CLCN3: variants seen among roughly 807,000 people sequenced by gnomAD.
The protein encoded by CLCN3 is H(+)/Cl(-) exchange transporter 3.
A neutral mutation model predicts 83.4 loss-of-function variants in CLCN3; 16 were observed. The observed-to-expected ratio is 0.19, with a 90% CI of 0.13 to 0.29. The LOEUF (loss-of-function observed/expected upper bound fraction) is 0.29, where lower values mean the gene tolerates loss of function less well. Among genes scored for constraint, CLCN3 ranks in the 10% least tolerant of loss-of-function variants. CLCN3 has a pLI of 1.00. For synonymous variants in CLCN3, 322 were observed against 346.2 expected (o/e 0.93, Z 0.78); for missense variants, 544 against 1,006.0 (o/e 0.54, Z 6.21).
intron 3 of CLCN3, among the ~76,000 whole-genome samples, chr4:169,687,430 AT>A (rs1158590584): frequency 1.3e-5 from 2 of 152,196 alleles, no homozygotes; most frequent in Non-Finnish European, 2.9e-5. Flanking sequence ...AAGAAAAAAA[AT>A]TTTTTAATAA....
rs1332340661 is a variant in CLCN3 at position 169,720,081 on chromosome 4, T to C, written c.*84T>C. ...AACTCTTTAACCTGAGGGAGTCATC[T>C]ACTTTTTTTTCCTCCTTTACAAAAA... is the stretch of plus-strand genomic sequence containing the variant. On this transcript the variant is annotated 3_prime_UTR_variant, in exon 13 of 13. Coordinates refer to ENST00000513761, the MANE Select transcript of CLCN3 (RefSeq NM_001829.4). The C allele has an allele frequency of 4.5e-6, 7 of 1,556,528 alleles. No homozygotes were observed. The highest frequency in any genetic ancestry group is 6.1e-6 in the Non-Finnish European group (7 of 1,154,346).
chr4:169,624,372 G>A (rs1179008459), intron 1 of CLCN3, among the ~76,000 whole-genome samples: 1 of 152,106 alleles, frequency 6.6e-6, no homozygotes, highest in Non-Finnish European at 1.5e-5. Flanking sequence ...GACCTGAGGT[G>A]ATCGACCCGC....
intron 12 of CLCN3, 80 bp from the exon 13 acceptor site, chr4:169,719,827 A>G (rs1733564756): frequency 2.6e-6 from 3 of 1,175,788 alleles, no homozygotes; most frequent in Non-Finnish European, 3.6e-6. Flanking sequence ...CCTGTCAACA[A>G]AAAGGATTTA....
chr4:169,643,414 G>C (rs1404257829), intron 2 of CLCN3, among the ~76,000 whole-genome samples: 2 of 151,956 alleles, frequency 1.3e-5, no homozygotes, highest in African/African-American at 2.4e-5. Flanking sequence ...GTATTTAGTA[G>C]AGACGGGGTT....
chr4:169,703,321 G>A (rs894379989), intron 9 of CLCN3, among the ~76,000 whole-genome samples: 2 of 152,162 alleles, frequency 1.3e-5, no homozygotes, highest in Non-Finnish European at 2.9e-5. Context: ...AGTAAAACAA[G>A]ATATGTCTGT....
chr4:169,636,967 A>G (rs1730222789), intron 2 of CLCN3, among the ~76,000 whole-genome samples: 1 of 152,026 alleles, frequency 6.6e-6, no homozygotes, highest in South Asian at 2.1e-4. Context: ...CAAAGTGGAT[A>G]TAGCATGTAC....
At chr4:169,697,839 AT>A in intron 9 of CLCN3, 105 bp downstream of exon 9, 1 of 743,934 alleles carries the variant, frequency 1.3e-6, no homozygotes, top group South Asian at 1.8e-5. Context: ...AAAAGTACTT[AT>A]CTTTTGAGTT....
chr4:169,700,177 A>G (rs1277419426), intron 9 of CLCN3, among the ~76,000 whole-genome samples: 4 of 152,192 alleles, frequency 2.6e-5, no homozygotes, highest in Admixed American at 1.3e-4. Flanking sequence ...AATGATCCTA[A>G]GAGACTCAAG....
intron 10 of CLCN3, among the ~76,000 whole-genome samples, chr4:169,705,012 A>G (rs1243671628): frequency 1.3e-5 from 2 of 152,228 alleles, no homozygotes; most frequent in Non-Finnish European, 2.9e-5. Flanking sequence ...CATGGACCCA[A>G]TCTCGACTCT....
At chr4:169,688,951 T>G (rs1732261922) in intron 4 of CLCN3, 92 bp from the exon 5 acceptor site, 4 of 994,498 alleles carry the variant, frequency 4.0e-6, no homozygotes, top group Non-Finnish European at 6.1e-6. Flanking sequence ...TATTTAGGAG[T>G]CTCCTGCTTT....
chr4:169,717,800 T>C (rs775402422), intron 12 of CLCN3: 2 of 1,609,850 alleles, frequency 1.2e-6, no homozygotes. Flanking sequence ...AGGATTGTCT[T>C]GGGGATCATC....
chr4:169,641,966 C>A (rs775141832), intron 2 of CLCN3, among the ~76,000 whole-genome samples: 1 of 152,104 alleles, frequency 6.6e-6, no homozygotes, highest in Non-Finnish European at 1.5e-5. Context: ...AAGGGATAAA[C>A]AGAATTCAAT....
At chr4:169,710,297 C>T (rs1348477437) in intron 11 of CLCN3, among the ~76,000 whole-genome samples, 2 of 152,252 alleles carry the variant, frequency 1.3e-5, no homozygotes, top group East Asian at 1.9e-4. Flanking sequence ...CAGCATCTCA[C>T]CCTGTTTCTC....
rs28364752 is a variant in CLCN3 at position 169,659,721 on chromosome 4, AT to A, written c.161-20319del. Among the ~76,000 whole-genome samples the A allele has an allele frequency of 9.5e-4, 142 of 149,942 alleles. 1 individual carries two copies. In the East Asian group the frequency reaches 0.013, roughly 14 times the overall value. On this transcript the variant is annotated intron_variant, in intron 2 of 12. Coordinates refer to ENST00000513761, the MANE Select transcript of CLCN3 (RefSeq NM_001829.4). The stretch of plus-strand genomic sequence containing the variant: ...ATGAAAGGCTGCTGTATTATAGAGT[AT>A]TTTTTTTTTATTTTTAATAGACTTA...
At position 169,680,057 on chromosome 4, in the gene CLCN3, T is replaced by A. The variant is rs549590310; in HGVS notation, c.168T>A (p.His56Gln). ...LLDGDTAVGTHYTMTNGGSIN... is the reference protein window; with the variant it reads ...LLDGDTAVGTQYTMTNGGSIN... ...TCCTTTTCTCTTCTGTAGGAACTCA[T>A]TATACAATGACAAATGGAGGCAGCA... Residue 56 changes from histidine (H) to glutamine (Q), a missense_variant, in exon 3 of 13, where the codon CAT becomes CAA. Physicochemically the swap from His to Gln is conservative, Grantham distance 24. Around this residue, in one of 6 missense-constraint regions of CLCN3, gnomAD observed 77 missense variants for 92.8 expected, o/e 0.83. Coordinates refer to ENST00000513761, the MANE Select transcript of CLCN3 (RefSeq NM_001829.4). 54 of 1,611,450 alleles carry A rather than the reference T, an allele frequency of 3.4e-5. No homozygotes were observed. Among genetic ancestry groups the A allele is most frequent in the Non-Finnish European group, 4.4e-5 (52 of 1,177,834 alleles).
At chr4:169,632,716 CAAAAAA>C (rs559919032) in intron 1 of CLCN3, among the ~76,000 whole-genome samples, 2 of 32,280 alleles carry the variant, frequency 6.2e-5, no homozygotes, top group Non-Finnish European at 1.1e-4. Context: ...GACTCCATCT[CAAAAAA>C]AAAAAAAAAA....
intron 2 of CLCN3, among the ~76,000 whole-genome samples, chr4:169,676,176 C>T (rs377320694): frequency 6.6e-6 from 1 of 152,120 alleles, no homozygotes. Flanking sequence ...TTTTTAAAAA[C>T]TGCAATTTAT....
intron 9 of CLCN3, chr4:169,702,861 T>A: frequency 4.0e-6 from 1 of 247,240 alleles, no homozygotes; most frequent in South Asian, 4.6e-5. Flanking sequence ...GTCGGCAGGA[T>A]CACGCCCAGC....
At chr4:169,719,682 G>A (rs965405519) in intron 12 of CLCN3, among the ~76,000 whole-genome samples, 21 of 151,760 alleles carry the variant, frequency 1.4e-4, no homozygotes, top group African/African-American at 3.9e-4. Flanking sequence ...TCAGACTCTC[G>A]GTGGAAAGGC....
Sources: gnomAD v4.1 joint callset for allele counts (sites outside exome capture counted in the v4.1 genomes callset) on GRCh38, gnomAD v4.1.1 for gene constraint, gnomAD v4.1.1 regional missense constraint, MANE v1.5 for transcripts, NCBI Gene and HGNC (gene_info 2026-07-23, HGNC 2026-07-21) for gene names.